The following TMEM232 variants were observed in gnomAD, a reference collection of about 807,000 sequenced individuals.
The protein encoded by TMEM232 is transmembrane protein 232.
A neutral mutation model predicts 78.8 loss-of-function variants in TMEM232; 80 were observed. The ratio of observed to expected loss-of-function variants is 1.01; its 90% CI spans 0.85 to 1.22. The LOEUF (loss-of-function observed/expected upper bound fraction) is 1.22, where lower values mean the gene tolerates loss of function less well. TMEM232 is among the 50% of genes most tolerant of loss of function. The pLI, the probability that TMEM232 is intolerant of heterozygous loss-of-function variation, is 0.00. For missense variants in TMEM232, 881 were observed against 742.2 expected, an observed-to-expected ratio of 1.19 and a Z score of -2.17; for synonymous variants, 297 against 254.3, an observed-to-expected ratio of 1.17 and a Z score of -1.60.
intron 12 of TMEM232, among the ~76,000 whole-genome samples, chr5:110,525,829 G>A (rs369868386): frequency 1.3e-5 from 2 of 150,552 alleles, no homozygotes; most frequent in African/African-American, 4.9e-5. Context: ...TCCAAATATA[G>A]GCTTATGGTT....
At chr5:110,390,803 T>G (rs1196580015) in intron 3 of TMEM232, among the ~76,000 whole-genome samples, 2 of 152,228 alleles carry the variant, frequency 1.3e-5, no homozygotes, top group African/African-American at 4.8e-5. Flanking sequence ...GGTACTTTGG[T>G]GATTATAGCG....
intron 11 of TMEM232, among the ~76,000 whole-genome samples, chr5:110,562,768 T>C (rs561555253): frequency 3.7e-4 from 56 of 152,150 alleles, no homozygotes; most frequent in African/African-American, 1.3e-3. Flanking sequence ...TTTTCTGATT[T>C]TGGTGAAAAA....
At chr5:110,499,228 T>A (rs1022550443) in intron 12 of TMEM232, among the ~76,000 whole-genome samples, 1 of 152,110 alleles carries the variant, frequency 6.6e-6, no homozygotes, top group Non-Finnish European at 1.5e-5. Context: ...AAATTTTACA[T>A]TAAGGATTCC....
intron 12 of TMEM232, among the ~76,000 whole-genome samples, chr5:110,425,766 T>C (rs113316606): frequency 2.0e-5 from 3 of 152,086 alleles, no homozygotes; most frequent in Non-Finnish European, 4.4e-5. Flanking sequence ...GGATGAAGGC[T>C]TCATGTTCAG....
At chr5:110,727,084 G>A (rs1437742787), upstream of TMEM232, among the ~76,000 whole-genome samples, 1 of 152,160 alleles carries the variant, frequency 6.6e-6, no homozygotes, top group Non-Finnish European at 1.5e-5. Context: ...GCACCCGTCA[G>A]TGAGTAAACA....
chr5:110,502,102 G>A (rs1460104782), intron 12 of TMEM232, among the ~76,000 whole-genome samples: 1 of 152,166 alleles, frequency 6.6e-6, no homozygotes, highest in Admixed American at 6.6e-5. Context: ...CATAGAGTAT[G>A]TGTGTGATTA....
chr5:110,499,632 C>CA (rs1766013754), intron 12 of TMEM232, among the ~76,000 whole-genome samples: 1 of 124,236 alleles, frequency 8.0e-6, no homozygotes, highest in Non-Finnish European at 1.5e-5. Flanking sequence ...TATACACCCC[C>CA]CCCCACACAC....
At chr5:110,605,450 T>C in intron 9 of TMEM232, 92 bp from the exon 10 acceptor site, 1 of 1,349,522 alleles carries the variant, frequency 7.4e-7, no homozygotes, top group Non-Finnish European at 9.9e-7. Flanking sequence ...TAAAAGACCA[T>C]AATAAACTAA....
rs528482024 is a variant in TMEM232 at position 110,542,567 on chromosome 5, C to T, written c.1456-13732G>A. On this transcript the variant is annotated intron_variant, in intron 11 of 13. Coordinates refer to ENST00000455884, the MANE Select transcript of TMEM232 (RefSeq NM_001039763.4). The stretch of plus-strand genomic sequence containing the variant: ...TGATCCCCAATAGGTATGGACTAAG[C>T]CCCAAGTCAGCATGAAGCAGTTACA... Among the ~76,000 whole-genome samples the T allele has an allele frequency of 1.4e-3, 208 of 152,090 alleles. 1 individual carries two copies. Among genetic ancestry groups the T allele is most frequent in the African/African-American group, 4.9e-3 (202 of 41,510 alleles).
intron 11 of TMEM232, among the ~76,000 whole-genome samples, chr5:110,530,403 C>T (rs1771273893): frequency 1.3e-5 from 2 of 152,100 alleles, no homozygotes; most frequent in South Asian, 2.1e-4. Context: ...AAAATCAGTA[C>T]GTCAAAGAGA....
At chr5:110,610,756 C>T (rs1782168827) in intron 8 of TMEM232, among the ~76,000 whole-genome samples, 1 of 152,058 alleles carries the variant, frequency 6.6e-6, no homozygotes, top group South Asian at 2.1e-4. Flanking sequence ...AACATAGCAA[C>T]ATTTAGAAAT....
chr5:110,547,290 G>T (rs72771411), intron 11 of TMEM232, among the ~76,000 whole-genome samples: 11,403 of 152,090 alleles, frequency 0.075, 536 homozygotes, highest in South Asian at 0.2. Context: ...CTTTTACTCA[G>T]CAAAATTACG....
At chr5:110,583,966 C>CAAAAAAAAAAAAAAAAAAAAA (rs60079206) in intron 10 of TMEM232, among the ~76,000 whole-genome samples, 2 of 99,084 alleles carry the variant, frequency 2.0e-5, no homozygotes, top group Non-Finnish European at 4.4e-5. Flanking sequence ...TATCTATTAT[C>CAAAAAAAAAAAAAAAAAAAAA]AAAAAAAAAA....
In TMEM232 at chr5:110,612,874, C is replaced by T. The variant is rs74513644; in HGVS notation, c.902+5555G>A. Among the ~76,000 whole-genome samples the T allele has an allele frequency of 5.7e-3, 872 of 152,246 alleles. 5 individuals carry two copies. Among genetic ancestry groups the T allele is most frequent in the African/African-American group, 0.02 (815 of 41,564 alleles). ...TAGATTAGAAAGTCTTTTGCGTTGA[C>T]TTGAGCTATCTCCCCAGAGCAAATA... On this transcript the variant is annotated intron_variant, in intron 8 of 13. Coordinates refer to ENST00000455884, the MANE Select transcript of TMEM232 (RefSeq NM_001039763.4).
At chr5:110,594,478 G>A (rs1341511533) in intron 10 of TMEM232, among the ~76,000 whole-genome samples, 6 of 152,076 alleles carry the variant, frequency 3.9e-5, no homozygotes, top group Non-Finnish European at 8.8e-5. Flanking sequence ...ACCTGGAAAG[G>A]GGGCTGAAAC....
intron 13 of TMEM232, 127 bp from the exon 14 acceptor site, chr5:110,420,883 A>C (rs1756562454): frequency 1.6e-6 from 2 of 1,270,580 alleles, no homozygotes; most frequent in African/African-American, 3.2e-5. Flanking sequence ...ATTCCTCAAA[A>C]ATTTTATATC....
intron 1 of TMEM232, among the ~76,000 whole-genome samples, chr5:110,737,802 T>C (rs887508864): frequency 1.4e-4 from 22 of 152,336 alleles, no homozygotes; most frequent in African/African-American, 5.0e-4. Flanking sequence ...CTTTCAATTG[T>C]GATTACTATA....
intron 1 of TMEM232, among the ~76,000 whole-genome samples, chr5:110,671,463 G>T (rs1197293111): frequency 6.6e-6 from 1 of 152,108 alleles, no homozygotes; most frequent in Non-Finnish European, 1.5e-5. Context: ...GTTTACTGCA[G>T]CACTATTCAC....
rs567198886 is a variant in TMEM232 at position 110,607,545 on chromosome 5, T to C, written c.903-1258A>G. 3.3e-5 allele frequency among the ~76,000 whole-genome samples: 5 copies of C among 152,020 alleles called. No individual in the cohort carries two copies. In the South Asian group the frequency reaches 1.0e-3, roughly 31 times the overall value. ...ATTCTCTGTATCTTGATTGGAGTAG[T>C]GATTACATGAGTGTATACATTTGCC... On this transcript the variant is annotated intron_variant, in intron 8 of 13. Transcript: ENST00000455884.
Sources: allele counts gnomAD v4.1 joint callset (sites outside exome capture counted in the v4.1 genomes callset), GRCh38; gene constraint gnomAD v4.1.1; transcripts MANE v1.5; gene names NCBI Gene and HGNC (gene_info 2026-07-23, HGNC 2026-07-21).